Variants in EVI5 observed in about 807,000 individuals in gnomAD.
EVI5 encodes ecotropic viral integration site 5 protein homolog.
In EVI5, 73 loss-of-function variants were observed where a neutral mutation model predicts 112.0. That is an observed-to-expected ratio of 0.65 (90% CI 0.54 to 0.79). The LOEUF (loss-of-function observed/expected upper bound fraction) is 0.79. EVI5 is among the 30% of genes least tolerant of loss of function. The probability of loss-of-function intolerance (pLI) is 0.00; values close to 1 mark genes in which losing one functional copy is unlikely to be tolerated. For synonymous variants in EVI5, 305 were observed against 319.9 expected (o/e 0.95, Z 0.50); for missense variants, 900 against 968.8 (o/e 0.93, Z 0.94).
intron 18 of EVI5, among the ~76,000 whole-genome samples, chr1:92,565,948 CAAAAAAAA>C (rs71586755): frequency 3.9e-5 from 2 of 51,874 alleles, no homozygotes; most frequent in South Asian, 1.2e-3. Flanking sequence ...CCAGCCCGAG[CAAAAAAAA>C]AAAAAAAAAA....
At chr1:92,715,756 C>T (rs1423322376) in intron 2 of EVI5, among the ~76,000 whole-genome samples, 1 of 152,138 alleles carries the variant, frequency 6.6e-6, no homozygotes, top group Non-Finnish European at 1.5e-5. Context: ...CACTCCTGCT[C>T]AAATATTGTG....
Position 92,605,361 on chromosome 1 carries a change from A to G in EVI5, c.2016T>C (p.Asp672=). Reference sequence around the variant, plus strand: ...GTAGTTCAGCCACAGCAGCTATGCTATCTGCTTCCCGAAGCCTCACAGCCA... The same window carrying G: ...GTAGTTCAGCCACAGCAGCTATGCTGTCTGCTTCCCGAAGCCTCACAGCCA... ...EVMAVRLREA[D]SIAAVAELRQ... The change falls in exon 18 of 20, where the codon GAT becomes GAC. Residue 672 remains aspartate, a synonymous_variant. Transcript: ENST00000684568. 1.2e-6 allele frequency: 2 copies of G among 1,613,806 alleles called. No individual in the cohort carries two copies. Among genetic ancestry groups the G allele is most frequent in the African/African-American group, 1.3e-5 (1 of 75,044 alleles).
At chr1:92,618,831 T>C (rs1384227703) in intron 16 of EVI5, among the ~76,000 whole-genome samples, 1 of 152,252 alleles carries the variant, frequency 6.6e-6, no homozygotes, top group African/African-American at 2.4e-5. Flanking sequence ...TTTGTGTATG[T>C]ATACATTTGT....
At chr1:92,539,465 C>G (rs1195249572) in intron 19 of EVI5, among the ~76,000 whole-genome samples, 1 of 150,620 alleles carries the variant, frequency 6.6e-6, no homozygotes, top group African/African-American at 2.4e-5. Flanking sequence ...ATGGCGGGAA[C>G]CCGGGAGGCG....
chr1:92,679,611 C>G (rs1667279010), intron 9 of EVI5, among the ~76,000 whole-genome samples: 1 of 152,132 alleles, frequency 6.6e-6, no homozygotes, highest in South Asian at 2.1e-4. Flanking sequence ...CCAGTTTACC[C>G]TATTATTAAC....
intron 2 of EVI5, among the ~76,000 whole-genome samples, chr1:92,718,720 C>G (rs1380058803): frequency 6.6e-6 from 1 of 151,806 alleles, no homozygotes; most frequent in East Asian, 1.9e-4. Context: ...GATAGAGACA[C>G]AAAAAACCCT....
At chr1:92,632,969 T>C (rs1284414299) in intron 14 of EVI5, among the ~76,000 whole-genome samples, 1 of 152,204 alleles carries the variant, frequency 6.6e-6, no homozygotes, top group African/African-American at 2.4e-5. Context: ...TCAGTTTCCA[T>C]GCAGTTGATC....
chr1:92,551,516 CTG>C (rs1161643013), intron 19 of EVI5, among the ~76,000 whole-genome samples: 1 of 152,210 alleles, frequency 6.6e-6, no homozygotes, highest in Non-Finnish European at 1.5e-5. Context: ...GATTTTAAAA[CTG>C]TAGCTCATTT....
chr1:92,740,299 C>T (rs1678163650), intron 1 of EVI5, among the ~76,000 whole-genome samples: 2 of 152,140 alleles, frequency 1.3e-5, no homozygotes, highest in South Asian at 4.1e-4. Context: ...CAAACACTTT[C>T]AAGGGCTATT....
At position 92,589,184 on chromosome 1, in the gene EVI5, G is replaced by A. The variant is rs1233167520; in HGVS notation, c.2070+16123C>T. Among the ~76,000 whole-genome samples the A allele has an allele frequency of 7.2e-5, 11 of 152,314 alleles. No individual in the cohort carries two copies. In the South Asian group the frequency reaches 8.3e-4, roughly 11 times the overall value. ...ACACCTCCAGTCTACAGCTCCCAGC[G>A]TGAGTGATGCAGAAGATGAAAGATT... On this transcript the variant is annotated intron_variant, in intron 18 of 19. Coordinates refer to ENST00000684568, the MANE Select transcript of EVI5 (RefSeq NM_001350197.2).
chr1:92,778,932 T>C (rs1418692667), intron 1 of EVI5, among the ~76,000 whole-genome samples: 1 of 152,230 alleles, frequency 6.6e-6, no homozygotes, highest in Non-Finnish European at 1.5e-5. Flanking sequence ...TATCCCTACC[T>C]GGGACCTAGT....
intron 19 of EVI5, among the ~76,000 whole-genome samples, chr1:92,527,987 C>T (rs1383748125): frequency 2.6e-5 from 4 of 152,120 alleles, no homozygotes; most frequent in African/African-American, 9.7e-5. Flanking sequence ...GTAACTTCTG[C>T]GTAATAAAGA....
At chr1:92,605,554 C>A (rs1650197519) in intron 17 of EVI5, 152 bp from the exon 18 acceptor site, 3 of 554,364 alleles carry the variant, frequency 5.4e-6, no homozygotes, top group South Asian at 5.2e-5. Context: ...TCAATACATA[C>A]AACGAAGCAG....
intron 18 of EVI5, among the ~76,000 whole-genome samples, chr1:92,590,292 A>T (rs1407688459): frequency 6.6e-6 from 1 of 152,174 alleles, no homozygotes; most frequent in Non-Finnish European, 1.5e-5. Context: ...TGAGAGAAGA[A>T]GGCTTCAGAC....
Position 92,697,989 on chromosome 1 carries a change from C to T in EVI5, c.640-4G>A. 6.2e-7 allele frequency: 1 copy of T among 1,603,076 alleles called. No homozygotes were observed. Among genetic ancestry groups the T allele is most frequent in the South Asian group, 1.1e-5 (1 of 88,698 alleles). Reference sequence around the variant, plus strand: ...AGAAAGCTTCTTCTTCTGGCATCTACATTGGAAGAAAAAAAAACAACATAG... The same window carrying T: ...AGAAAGCTTCTTCTTCTGGCATCTATATTGGAAGAAAAAAAAACAACATAG... On this transcript the variant is annotated splice_polypyrimidine_tract_variant and splice_region_variant and intron_variant, in intron 5 of 19. Coordinates refer to ENST00000684568, the MANE Select transcript of EVI5 (RefSeq NM_001350197.2).
intron 19 of EVI5, among the ~76,000 whole-genome samples, chr1:92,561,610 T>TA (rs1668599994): frequency 8.8e-5 from 3 of 33,906 alleles, no homozygotes; most frequent in East Asian, 7.8e-4. Flanking sequence ...TAATCTATCC[T>TA]ATCTATCTAT....
At chr1:92,584,629 G>A in intron 18 of EVI5, among the ~76,000 whole-genome samples, 1 of 152,148 alleles carries the variant, frequency 6.6e-6, no homozygotes, top group East Asian at 1.9e-4. Context: ...ACTTCAAGGT[G>A]ACTCATTTGA....
chr1:92,605,553 A>G (rs1571847348), intron 17 of EVI5, 151 bp from the exon 18 acceptor site: 1 of 558,302 alleles, frequency 1.8e-6, no homozygotes, highest in Non-Finnish European at 3.2e-6. Context: ...CTCAATACAT[A>G]CAACGAAGCA....
rs908569492 is a variant in EVI5 at position 92,512,386 on chromosome 1, TAA to T, written c.*1268_*1269del. The T allele has an allele frequency of 3.3e-5, 5 of 152,316 alleles. No homozygotes were observed. Among genetic ancestry groups the T allele is most frequent in the Non-Finnish European group, 7.3e-5 (5 of 68,038 alleles). 9.4% of individuals were successfully genotyped at this position (152,316 alleles called of 1,614,324 possible). A position where few individuals can be genotyped will look rare whatever the true frequency, so the allele number is the denominator to read the frequency against. ...ATTTAGTAGTTACATACACATGAAA[TAA>T]AAGATTCCACCAACAGTGTTTTTGA... On this transcript the variant is annotated 3_prime_UTR_variant, in exon 20 of 20. Transcript: ENST00000684568.
Sources: allele counts gnomAD v4.1 joint callset (sites outside exome capture counted in the v4.1 genomes callset), GRCh38; gene constraint gnomAD v4.1.1; transcripts MANE v1.5; gene names NCBI Gene and HGNC (gene_info 2026-07-23, HGNC 2026-07-21).